Variants in HDAC5 observed in about 807,000 individuals in gnomAD.
HDAC5 encodes the protein histone deacetylase 5, also known as antigen NY-CO-9.
A neutral mutation model predicts 133.3 loss-of-function variants in HDAC5; 25 were observed. The ratio of observed to expected loss-of-function variants is 0.19; its 90% CI spans 0.14 to 0.26. The LOEUF (loss-of-function observed/expected upper bound fraction) is 0.26, where lower values mean the gene tolerates loss of function less well. HDAC5 is among the 10% of genes least tolerant of loss of function. The probability of loss-of-function intolerance (pLI) is 1.00; values close to 1 mark genes in which losing one functional copy is unlikely to be tolerated. For synonymous variants in HDAC5, 589 were observed against 610.8 expected, an observed-to-expected ratio of 0.96 and a Z score of 0.53; for missense variants, 1,041 against 1,460.5, an observed-to-expected ratio of 0.71 and a Z score of 4.68.
chr17:44,077,309 G>C lies in HDAC5; in HGVS notation c.*1067C>G, dbSNP rs950174819. On this transcript the variant is annotated 3_prime_UTR_variant, in exon 27 of 27. Coordinates refer to ENST00000682912, the MANE Select transcript of HDAC5 (RefSeq NM_005474.5). ...CTGGTCTTAGCTCCCTTGGGCTGGTGGTCAGCAAAGGGAGCCCAGAAGGTA... is the reference window on the plus strand; with the variant it reads ...CTGGTCTTAGCTCCCTTGGGCTGGTCGTCAGCAAAGGGAGCCCAGAAGGTA... 2.6e-5 allele frequency: 4 copies of C among 152,602 alleles called. No individual in the cohort carries two copies. Among genetic ancestry groups the C allele is most frequent in the African/African-American group, 9.7e-5 (4 of 41,392 alleles). 9.5% of individuals were successfully genotyped at this position (152,602 alleles called of 1,614,324 possible).
intron 2 of HDAC5, among the ~76,000 whole-genome samples, chr17:44,113,990 C>T (rs563174470): frequency 1.6e-4 from 23 of 146,758 alleles, no homozygotes; most frequent in Non-Finnish European, 3.1e-4. Context: ...AGCCCATCAG[C>T]ATGGCCTGGG....
intron 5 of HDAC5, 29 bp downstream of exon 5, chr17:44,093,285 C>G (rs186757362): frequency 1.3e-6 from 2 of 1,581,342 alleles, no homozygotes; most frequent in Non-Finnish European, 1.7e-6. Context: ...GGGCGGGGCC[C>G]TACGAGGTCC....
rs112010909 is a variant in HDAC5 at position 44,110,171 on chromosome 17, T to G, written c.94+558A>C. 6.7e-3 allele frequency among the ~76,000 whole-genome samples: 1,025 copies of G among 152,334 alleles called. 23 individuals carry two copies. The highest frequency in any genetic ancestry group is 0.023 in the African/African-American group (967 of 41,572). On this transcript the variant is annotated intron_variant, in intron 3 of 26. Coordinates refer to ENST00000682912, the MANE Select transcript of HDAC5 (RefSeq NM_005474.5). The stretch of plus-strand genomic sequence containing the variant: ...CAGCCAAGCCCCTCAATATCCAAGC[T>G]GCCAGCCTCTGCCTAACTCCATCAT...
chr17:44,085,223 T>A, intron 14 of HDAC5, 68 bp from the exon 15 acceptor site: 1 of 1,450,206 alleles, frequency 6.9e-7, no homozygotes, highest in South Asian at 1.4e-5. Context: ...GCTACCATGA[T>A]CCTCAGCAGG....
intron 3 of HDAC5, among the ~76,000 whole-genome samples, chr17:44,102,653 C>T (rs1252425665): frequency 6.1e-5 from 9 of 146,840 alleles, no homozygotes; most frequent in African/African-American, 1.7e-4. Context: ...GCCATATGCC[C>T]GGCCAGGTTC....
intron 3 of HDAC5, among the ~76,000 whole-genome samples, chr17:44,097,573 G>A (rs968746767): frequency 1.8e-4 from 27 of 152,268 alleles, no homozygotes; most frequent in African/African-American, 4.8e-4. Context: ...TCCCCAGCCC[G>A]TGAAGTGCTC....
rs374173029 is a variant in HDAC5, at chr17:44,098,739, T to TAAAAA, written c.95-4910_95-4906dup. 5.3e-3 allele frequency among the ~76,000 whole-genome samples: 659 copies of TAAAAA among 123,746 alleles called. 5 individuals carry two copies. Among genetic ancestry groups the TAAAAA allele is most frequent in the African/African-American group, 0.019 (630 of 32,324 alleles). The allele number at this position is 123,746 out of a possible 152,430, so 81.2% of individuals were successfully genotyped here. ...CTGGGTGATAGAGCGAGACCCTATCTAAAAAAAAAAAAAAAAAGAGGGTAG... is the reference window on the plus strand; with the variant it reads ...CTGGGTGATAGAGCGAGACCCTATCTAAAAAAAAAAAAAAAAAAAAAAGAGGGTAG... On this transcript the variant is annotated intron_variant, in intron 3 of 26. Coordinates refer to ENST00000682912, the MANE Select transcript of HDAC5 (RefSeq NM_005474.5).
Position 44,093,104 on chromosome 17 carries a change from T to C in HDAC5, c.629A>G (p.His210Arg). The change falls in exon 6 of 27, where the codon CAC (histidine) becomes CGC (arginine). Residue 210 changes from histidine to arginine, a missense_variant. His to Arg is a conservative substitution (Grantham distance 29). Coordinates refer to ENST00000682912, the MANE Select transcript of HDAC5 (RefSeq NM_005474.5). The part of the protein sequence containing the change: ...PGGLNHSLPQ[H>R]PKCWGAHHAS... ...CCAGGGCCATTACCAGCATTTGGGG[T>C]GCTGTGGGAGGGAATGGTTGAGGCC... 6.2e-7 allele frequency: 1 copy of C among 1,611,272 alleles called. No individual in the cohort carries two copies. The highest frequency in any genetic ancestry group is 8.5e-7 in the Non-Finnish European group (1 of 1,178,418).
chr17:44,101,469 G>A (rs2051604484), intron 3 of HDAC5, among the ~76,000 whole-genome samples: 1 of 151,018 alleles, frequency 6.6e-6, no homozygotes, highest in South Asian at 2.1e-4. Context: ...AGAAAGCTAG[G>A]AGGAGGGGAG....
At position 44,123,513 on chromosome 17, in the gene HDAC5, C is replaced by T; in HGVS notation, c.-199G>A. On this transcript the variant is annotated 5_prime_UTR_variant, in exon 1 of 27. Transcript: ENST00000682912. ...GGGGCGGCGCGCTCACCCGCTGCGG[C>T]TCGAGCTCCGGCTTCGCGGGCGGCG... The T allele has an allele frequency of 7.7e-6, 3 of 388,688 alleles. No individual in the cohort carries two copies. The Middle Eastern group carries it at 2.0e-3, about 257-fold the overall frequency. 24.1% of individuals were successfully genotyped at this position (388,688 alleles called of 1,614,324 possible).
rs577095164 is a variant in HDAC5 at position 44,083,706 on chromosome 17, G to A, written c.2356-54C>T. On this transcript the variant is annotated intron_variant, in intron 17 of 26. Transcript: ENST00000682912. ...TGCCCCCTGCAGGGCAAGAACAGGG[G>A]AGGGCACCTGGACAGTGGGCCAGCG... is the stretch of plus-strand genomic sequence containing the variant. The A allele has an allele frequency of 2.0e-5, 32 of 1,586,982 alleles. No homozygotes were observed. In the South Asian group the frequency reaches 3.0e-4, roughly 15 times the overall value.
Position 44,080,886 on chromosome 17 carries a change from T to C in HDAC5, c.2608-4A>G, listed in dbSNP as rs778349118. ...TGCCATTGCCATGGTGAATGTCCTA[T>C]GAGGGGAGGTAGAAGCATCGGGAAA... On this transcript the variant is annotated splice_region_variant and splice_polypyrimidine_tract_variant and intron_variant, in intron 20 of 26. Transcript: ENST00000682912. 2 of 1,613,980 alleles carry C rather than the reference T, an allele frequency of 1.2e-6. No homozygotes were observed. Among genetic ancestry groups the C allele is most frequent in the East Asian group, 2.2e-5 (1 of 44,888 alleles).
chr17:44,109,967 C>G (rs1017730824), intron 3 of HDAC5, among the ~76,000 whole-genome samples: 1 of 152,236 alleles, frequency 6.6e-6, no homozygotes, highest in Non-Finnish European at 1.5e-5. Context: ...AGGAGCGGCC[C>G]AGCTCTGGGG....
rs546582975 is a variant in HDAC5 at position 44,108,765 on chromosome 17, A to C, written c.94+1964T>G. 1.9e-4 allele frequency among the ~76,000 whole-genome samples: 28 copies of C among 146,766 alleles called. 1 individual carries two copies. The South Asian group carries it at 2.5e-3, about 13-fold the overall frequency. On this transcript the variant is annotated intron_variant, in intron 3 of 26. Transcript: ENST00000682912. Reference sequence around the variant, plus strand: ...ATTCCAGAGTCCAAAAAAAAAACAAAAAAAAAACAAAAAAAAAACAAGGCT... The same window carrying C: ...ATTCCAGAGTCCAAAAAAAAAACAACAAAAAAACAAAAAAAAAACAAGGCT...
chr17:44,091,893 C>G, intron 9 of HDAC5, 62 bp from the exon 10 acceptor site: 1 of 1,498,136 alleles, frequency 6.7e-7, no homozygotes, highest in Non-Finnish European at 8.9e-7. Context: ...CAAGGGAGGG[C>G]AACCTGGGGC....
At chr17:44,087,019 C>A (rs1193256128) in intron 13 of HDAC5, among the ~76,000 whole-genome samples, 2 of 151,090 alleles carry the variant, frequency 1.3e-5, no homozygotes, top group African/African-American at 4.9e-5. Flanking sequence ...GAGTCAGGCC[C>A]GGAGGGCTCG....
intron 20 of HDAC5, among the ~76,000 whole-genome samples, chr17:44,081,196 G>A (rs766014174): frequency 1.1e-4 from 16 of 152,254 alleles, no homozygotes; most frequent in Non-Finnish European, 1.9e-4. Context: ...CCACCTCACA[G>A]TTTTGGGGAA....
At chr17:44,079,554 G>A (rs1409017890) in intron 23 of HDAC5, among the ~76,000 whole-genome samples, 5 of 150,200 alleles carry the variant, frequency 3.3e-5, no homozygotes, top group Admixed American at 1.3e-4. Flanking sequence ...GCAGGAGGAT[G>A]GCATGAACCC....
intron 11 of HDAC5, among the ~76,000 whole-genome samples, chr17:44,090,497 C>T (rs2050892004): frequency 6.6e-6 from 1 of 151,532 alleles, no homozygotes; most frequent in Non-Finnish European, 1.5e-5. Context: ...GCCTCAGCCT[C>T]CCGAGTAGCT....
Sources: allele counts gnomAD v4.1 joint callset (sites outside exome capture counted in the v4.1 genomes callset), GRCh38; gene constraint gnomAD v4.1.1; transcripts MANE v1.5; gene names NCBI Gene and HGNC (gene_info 2026-07-23, HGNC 2026-07-21).